Variants in JMJD1C observed in about 807,000 individuals in gnomAD.
JMJD1C encodes the protein jumonji domain containing 1C.
In JMJD1C, 31 loss-of-function variants were observed where a neutral mutation model predicts 245.3. That is an observed-to-expected ratio of 0.13 (90% CI 0.09 to 0.17). The LOEUF is 0.17. Among genes scored for constraint, JMJD1C ranks in the 10% least tolerant of loss-of-function variants. JMJD1C has a pLI of 1.00. For synonymous variants in JMJD1C, 1,057 were observed against 1,017.4 expected (o/e 1.04, Z -0.74); for missense variants, 2,691 against 3,000.2 (o/e 0.90, Z 2.41).
At chr10:63,304,892 G>A (rs139588828) in intron 2 of JMJD1C, among the ~76,000 whole-genome samples, 1 of 152,270 alleles carries the variant, frequency 6.6e-6, no homozygotes, top group African/African-American at 2.4e-5. Context: ...CCAGTACTTG[G>A]GGAGGCTGAC....
intron 1 of JMJD1C, among the ~76,000 whole-genome samples, chr10:63,464,111 T>C (rs1305776538): frequency 6.6e-6 from 1 of 152,156 alleles, no homozygotes; most frequent in East Asian, 1.9e-4. Flanking sequence ...GTTACTGAAT[T>C]GAACTGCCAT....
In JMJD1C at chr10:63,500,746, A is replaced by T. The variant is rs28442021; in HGVS notation, n.113+20992T>A. 1.6e-3 allele frequency among the ~76,000 whole-genome samples: 185 copies of T among 112,186 alleles called. 2 individuals are homozygous for T. Among genetic ancestry groups the T allele is most frequent in the Middle Eastern group, 8.7e-3 (2 of 230 alleles). The allele number at this position is 112,186 out of a possible 152,430, so 73.6% of individuals were successfully genotyped here. On this transcript the variant is annotated intron_variant and non_coding_transcript_variant, in intron 1 of 3. Coordinates refer to the JMJD1C transcript ENST00000633035. Reference sequence around the variant, plus strand: ...CTCGATGGATGGATGGATGGATGGAAGGATGGATGGATGGATGGATGGATG... The same window carrying T: ...CTCGATGGATGGATGGATGGATGGATGGATGGATGGATGGATGGATGGATG...
intron 20 of JMJD1C, 78 bp from the exon 21 acceptor site, chr10:63,184,816 T>C (rs1174782723): frequency 5.1e-6 from 7 of 1,363,770 alleles, no homozygotes; most frequent in Middle Eastern, 2.2e-4. Context: ...ATTTTCAAGT[T>C]GTTCAAAACA....
chr10:63,396,072 CTAAT>C (rs1171961941), intron 1 of JMJD1C, among the ~76,000 whole-genome samples: 2 of 151,882 alleles, frequency 1.3e-5, no homozygotes, highest in Non-Finnish European at 2.9e-5. Flanking sequence ...AAATTTTACT[CTAAT>C]TAAAAACAAA....
At chr10:63,240,544 C>T (rs1371359111) in intron 3 of JMJD1C, among the ~76,000 whole-genome samples, 1 of 152,016 alleles carries the variant, frequency 6.6e-6, no homozygotes, top group Non-Finnish European at 1.5e-5. Flanking sequence ...AACCAGGCTG[C>T]AATAACTGAA....
intron 2 of JMJD1C, among the ~76,000 whole-genome samples, chr10:63,325,396 T>C (rs1211413548): frequency 6.6e-6 from 1 of 152,130 alleles, no homozygotes; most frequent in Admixed American, 6.6e-5. Context: ...GATGGAGTGC[T>C]GTGAGGAGAT....
At chr10:63,222,839 A>C (rs1163532752) in intron 3 of JMJD1C, 2 of 1,441,372 alleles carry the variant, frequency 1.4e-6, no homozygotes, top group Non-Finnish European at 2.0e-6. Context: ...GTGTGGAGTC[A>C]AAAGTACACA....
At position 63,433,617 on chromosome 10, in the gene JMJD1C, G is replaced by A. The variant is rs1336711513; in HGVS notation, c.168+31878C>T. Among the ~76,000 whole-genome samples the A allele has an allele frequency of 2.2e-5, 3 of 137,388 alleles. No homozygotes were observed. The East Asian group carries it at 6.3e-4, about 29-fold the overall frequency. 90.1% of individuals were successfully genotyped at this position (137,388 alleles called of 152,430 possible). ...TTTTTTTTTTTTGAGACAGGGTCTCGCTTTGATGCTGAGGCTGGAGTGCAA... is the reference window on the plus strand; with the variant it reads ...TTTTTTTTTTTTGAGACAGGGTCTCACTTTGATGCTGAGGCTGGAGTGCAA... On this transcript the variant is annotated intron_variant, in intron 1 of 25. Coordinates refer to ENST00000399262, the MANE Select transcript of JMJD1C (RefSeq NM_032776.3).
intron 1 of JMJD1C, among the ~76,000 whole-genome samples, chr10:63,424,533 G>A (rs868634806): frequency 7.3e-6 from 1 of 136,938 alleles, no homozygotes; most frequent in Non-Finnish European, 1.5e-5. Context: ...TTGAGACCGG[G>A]TCTCATTCTG....
intron 1 of JMJD1C, among the ~76,000 whole-genome samples, chr10:63,410,812 G>A (rs987709240): frequency 1.3e-4 from 19 of 151,960 alleles, no homozygotes; most frequent in Admixed American, 1.2e-3. Flanking sequence ...AGCTCTAATG[G>A]AGAAAAGTAG....
intron 3 of JMJD1C, among the ~76,000 whole-genome samples, chr10:63,229,171 A>T (rs7916868): frequency 0.47 from 71,673 of 151,744 alleles, 17,574 homozygotes; most frequent in East Asian, 0.68. Flanking sequence ...ATACTTTTTT[A>T]AAAAAAAGGA....
Position 63,463,517 on chromosome 10 carries a change from A to AT in JMJD1C, c.168+1977_168+1978insA, listed in dbSNP as rs1952947902. On this transcript the variant is annotated intron_variant, in intron 1 of 25. Transcript: ENST00000399262. The stretch of plus-strand genomic sequence containing the variant: ...TCTGCAGTAATCAAAGTCGAACAGG[A>AT]ATATTACATTATGTTAATGCTAAAC... 3.9e-5 allele frequency among the ~76,000 whole-genome samples: 6 copies of AT among 152,350 alleles called. 1 individual carries two copies. Among genetic ancestry groups the AT allele is most frequent in the African/African-American group, 1.4e-4 (6 of 41,580 alleles).
At chr10:63,261,724 C>T (rs1450206380) in intron 3 of JMJD1C, among the ~76,000 whole-genome samples, 3 of 152,160 alleles carry the variant, frequency 2.0e-5, no homozygotes, top group African/African-American at 7.2e-5. Context: ...CATCTGTTTC[C>T]TAACCACTAC....
At position 63,193,029 on chromosome 10, in the gene JMJD1C, G is replaced by A; in HGVS notation, c.5985C>T (p.Gly1995=). The A allele has an allele frequency of 6.2e-7, 1 of 1,614,076 alleles. No individual in the cohort carries two copies. Among genetic ancestry groups the A allele is most frequent in the Admixed American group, 1.7e-5 (1 of 60,008 alleles). Residue 1995 remains glycine (G), a synonymous_variant, in exon 16 of 26, where the codon GGC becomes GGT. Transcript: ENST00000399262. ...CTGGAGGAGTTAACTTGTTATCTGT[G>A]CCTACATCACTCTCTGGGCTGCTGC... ...NGGSSPESDV[G]TDNKLTPPES...
chr10:63,347,570 C>T (rs1335934032), intron 2 of JMJD1C, among the ~76,000 whole-genome samples: 2 of 132,572 alleles, frequency 1.5e-5, no homozygotes, highest in South Asian at 2.3e-4. Flanking sequence ...GGCAACAGAG[C>T]GAGAGTCCAT....
chr10:63,371,915 GT>G (rs1339481534), intron 2 of JMJD1C, among the ~76,000 whole-genome samples: 10 of 152,126 alleles, frequency 6.6e-5, no homozygotes, highest in African/African-American at 2.4e-4. Context: ...ACATGCAACT[GT>G]TTATTCTAAT....
chr10:63,519,393 G>A (rs1484384860), intron 1 of JMJD1C, among the ~76,000 whole-genome samples: 1 of 152,210 alleles, frequency 6.6e-6, no homozygotes, highest in Non-Finnish European at 1.5e-5. Context: ...GTACGTGGCT[G>A]AAATTTTTTA....
At chr10:63,385,376 T>C (rs1947507304) in intron 1 of JMJD1C, among the ~76,000 whole-genome samples, 1 of 147,854 alleles carries the variant, frequency 6.8e-6, no homozygotes, top group African/African-American at 2.5e-5. Flanking sequence ...ACTTAATAGA[T>C]GCAAAGTTGT....
intron 1 of JMJD1C, among the ~76,000 whole-genome samples, chr10:63,413,464 G>A (rs747748884): frequency 7.3e-4 from 111 of 152,092 alleles, no homozygotes; most frequent in Admixed American, 1.2e-3. Context: ...ACAAAATAGA[G>A]ACATAATCTC....
Sources: allele counts gnomAD v4.1 joint callset (sites outside exome capture counted in the v4.1 genomes callset), GRCh38; gene constraint gnomAD v4.1.1; transcripts MANE v1.5; gene names NCBI Gene and HGNC (gene_info 2026-07-23, HGNC 2026-07-21).